The following HINFP variants were observed in gnomAD, a reference collection of about 807,000 sequenced individuals.
HINFP encodes the protein histone H4 transcription factor.
Under a neutral mutation model 50.1 loss-of-function variants are expected in HINFP, and 20 were observed. That is an observed-to-expected ratio of 0.40 (90% CI 0.28 to 0.58). The LOEUF (loss-of-function observed/expected upper bound fraction) is 0.58, where lower values mean the gene tolerates loss of function less well. HINFP is among the 20% of genes least tolerant of loss of function. HINFP has a pLI of 0.45. For synonymous variants in HINFP, 247 were observed against 243.7 expected, an observed-to-expected ratio of 1.01 and a Z score of -0.13; for missense variants, 505 against 664.1, an observed-to-expected ratio of 0.76 and a Z score of 2.63.
rs1349620875 is a variant in HINFP at position 119,134,301 on chromosome 11, C to G, written c.1357C>G (p.Leu453Val). 2 of 1,614,058 alleles carry G rather than the reference C, an allele frequency of 1.2e-6. No individual in the cohort carries two copies. Among genetic ancestry groups the G allele is most frequent in the Non-Finnish European group, 1.7e-6 (2 of 1,180,010 alleles). Residue 453 changes from leucine (L) to valine (V), a missense_variant, in exon 10 of 10, where the codon CTC (leucine) becomes GTC (valine). Physicochemically the swap from Leu to Val is conservative, Grantham distance 32. Transcript: ENST00000350777. The surrounding 1 kb of genome is among the most constrained non-coding windows in gnomAD (Gnocchi z 4.3). ...EEGKGSEGTA[L>V]SASQDNPSSV... ...GGGCAAGGGTAGCGAAGGGACAGCC[C>G]TCTCAGCCTCTCAGGACAACCCCAG...
At chr11:119,122,530 A>C (rs978832652) in intron 1 of HINFP, among the ~76,000 whole-genome samples, 1 of 152,214 alleles carries the variant, frequency 6.6e-6, no homozygotes, top group Non-Finnish European at 1.5e-5. Context: ...ACTAAGGAGC[A>C]AGAGTAGATT....
intron 1 of HINFP, chr11:119,124,952 A>G (rs1327004141): frequency 5.9e-5 from 9 of 152,038 alleles, no homozygotes; most frequent in Middle Eastern, 6.8e-3. Context: ...AGCCTGGGTA[A>G]CAGCGAGACT....
At chr11:119,124,947 G>A (rs1947301538) in intron 1 of HINFP, 3 of 151,780 alleles carry the variant, frequency 2.0e-5, no homozygotes, top group Admixed American at 2.0e-4. Flanking sequence ...ATTCCAGCCT[G>A]GGTAACAGCG....
chr11:119,133,682 C>T (rs1947906381), intron 9 of HINFP: 1 of 251,406 alleles, frequency 4.0e-6, no homozygotes, highest in Admixed American at 4.8e-5. Context: ...TGGAGCAAAG[C>T]TTATTTTTCT....
intron 3 of HINFP, 44 bp downstream of exon 3, chr11:119,130,998 G>C: frequency 6.7e-7 from 1 of 1,493,744 alleles, no homozygotes. Flanking sequence ...GAAGCTGGGG[G>C]TCTTAACTCT....
chr11:119,134,241 C>G lies in HINFP; in HGVS notation c.1297C>G (p.Pro433Ala), dbSNP rs1394982836. 1 of 1,614,074 alleles carries G rather than the reference C, an allele frequency of 6.2e-7. No individual in the cohort carries two copies. Among genetic ancestry groups the G allele is most frequent in the African/African-American group, 1.3e-5 (1 of 75,022 alleles). The change falls in exon 10 of 10, where the codon CCA becomes GCA. Residue 433 changes from proline to alanine, a missense_variant. Coordinates refer to ENST00000350777, the MANE Select transcript of HINFP (RefSeq NM_198971.3). This position sits in a 1 kb window ranked among gnomAD's most constrained non-coding sequence, Gnocchi z 4.3. ...GCAGGGCATTATTCTAGAAACAGTG[C>G]CAGGGGAGCCAGGACGTAAGGAAGA... ...SLQGIILETV[P>A]GEPGRKEEEE...
At chr11:119,130,565 T>A (rs1407016018) in intron 2 of HINFP, 160 bp from the exon 3 acceptor site, 10 of 619,960 alleles carry the variant, frequency 1.6e-5, no homozygotes, top group Non-Finnish European at 2.6e-5. Flanking sequence ...CAATTTATGG[T>A]CATTAAATAC....
Position 119,127,420 on chromosome 11 carries a change from C to CTT in HINFP, c.181+302_181+303dup, listed in dbSNP as rs11414972. 65 of 170,290 alleles carry CTT rather than the reference C, an allele frequency of 3.8e-4. No homozygotes were observed. In the East Asian group the frequency reaches 4.0e-3, roughly 11 times the overall value. 10.5% of individuals were successfully genotyped at this position (170,290 alleles called of 1,614,324 possible). ...ATATATTTAAATACAGATGAATGTG[C>CTT]TTTTTTTTAATCATTCTGTACAAGT... On this transcript the variant is annotated intron_variant, in intron 2 of 9. Coordinates refer to ENST00000350777, the MANE Select transcript of HINFP (RefSeq NM_198971.3).
intron 1 of HINFP, chr11:119,125,786 C>T (rs1019589374): frequency 6.6e-6 from 1 of 152,146 alleles, no homozygotes; most frequent in African/African-American, 2.4e-5. Context: ...ATGGAATCTA[C>T]ATTTTAACAG....
chr11:119,131,498 C>G lies in HINFP; in HGVS notation c.412-37C>G, dbSNP rs1295608231. ...GCACATAGGGGTGAGTCCCTCTACCCACCCTCAGTCCTCACCCCAAGTTGC... is the reference window on the plus strand; with the variant it reads ...GCACATAGGGGTGAGTCCCTCTACCGACCCTCAGTCCTCACCCCAAGTTGC... On this transcript the variant is annotated intron_variant, in intron 3 of 9. Coordinates refer to ENST00000350777, the MANE Select transcript of HINFP (RefSeq NM_198971.3). The surrounding 1 kb of genome is among the most constrained non-coding windows in gnomAD (Gnocchi z 4.2). 7 of 1,416,228 alleles carry G rather than the reference C, an allele frequency of 4.9e-6. No homozygotes were observed. The highest frequency in any genetic ancestry group is 7.0e-6 in the Non-Finnish European group (7 of 999,216). The allele number at this position is 1,416,228 out of a possible 1,614,324, so 87.7% of individuals were successfully genotyped here.
At chr11:119,132,463 C>T (rs757455572) in intron 5 of HINFP, 33 bp from the exon 6 acceptor site, 12 of 1,609,788 alleles carry the variant, frequency 7.5e-6, no homozygotes, top group Non-Finnish European at 1.0e-5. Context: ...CTATCACCTA[C>T]AGCCCTCCTT....
chr11:119,126,579 C>G (rs1043632226), intron 1 of HINFP: 3 of 172,710 alleles, frequency 1.7e-5, no homozygotes, highest in Non-Finnish European at 3.7e-5. Context: ...GGATTTGAAC[C>G]CTGATCCTTC....
intron 2 of HINFP, among the ~76,000 whole-genome samples, chr11:119,129,553 C>T (rs933609153): frequency 2.7e-5 from 4 of 150,174 alleles, no homozygotes; most frequent in South Asian, 2.2e-4. Flanking sequence ...GTCCGCCTCC[C>T]GGGTTCATGC....
intron 2 of HINFP, chr11:119,130,323 C>T (rs897380698): frequency 1.3e-5 from 3 of 230,730 alleles, no homozygotes; most frequent in Admixed American, 5.4e-5. Flanking sequence ...ACTCATCCAT[C>T]GTACTTCAGA....
rs375278300 is a variant in HINFP, at chr11:119,128,496, G to A, written c.181+1371G>A. Among the ~76,000 whole-genome samples, 3 of 150,836 alleles carry A rather than the reference G, an allele frequency of 2.0e-5. No homozygotes were observed. The East Asian group carries it at 5.9e-4, about 30-fold the overall frequency. On this transcript the variant is annotated intron_variant, in intron 2 of 9. Coordinates refer to ENST00000350777, the MANE Select transcript of HINFP (RefSeq NM_198971.3). ...AATTTTTTTTTGTATTTTTAGTAGAGACAGGCTTTCACCATGTTAGCCAGG... is the reference window on the plus strand; with the variant it reads ...AATTTTTTTTTGTATTTTTAGTAGAAACAGGCTTTCACCATGTTAGCCAGG...
intron 2 of HINFP, among the ~76,000 whole-genome samples, chr11:119,127,880 G>A (rs1392365100): frequency 6.8e-6 from 1 of 146,916 alleles, no homozygotes; most frequent in Admixed American, 6.8e-5. Context: ...TTTTTGAGAC[G>A]GAGTCTTGCT....
rs1004664802 is a variant in HINFP, at chr11:119,134,456, G to A, written c.1512G>A (p.Lys504=). The A allele has an allele frequency of 1.9e-6, 3 of 1,612,014 alleles. No homozygotes were observed. The highest frequency in any genetic ancestry group is 3.3e-5 in the Admixed American group (2 of 59,798). ...PEPPSGGIME[K]LQGIAEEPEI... Reference sequence around the variant, plus strand: ...CACCTTCAGGGGGCATCATGGAAAAGCTTCAAGGAATAGCTGAGGAGCCAG... The same window carrying A: ...CACCTTCAGGGGGCATCATGGAAAAACTTCAAGGAATAGCTGAGGAGCCAG... Residue 504 remains lysine (K), a synonymous_variant, in exon 10 of 10, where the codon AAG becomes AAA. Transcript: ENST00000350777. The surrounding 1 kb of genome is among the most constrained non-coding windows in gnomAD (Gnocchi z 4.3).
intron 2 of HINFP, among the ~76,000 whole-genome samples, chr11:119,129,700 G>A (rs1004112835): frequency 2.0e-5 from 3 of 151,582 alleles, no homozygotes; most frequent in African/African-American, 7.3e-5. Context: ...TCCTGACCTC[G>A]TGATCTGTCT....
At chr11:119,130,430 A>G (rs1947688169) in intron 2 of HINFP, 1 of 379,358 alleles carries the variant, frequency 2.6e-6, no homozygotes, top group Non-Finnish European at 4.9e-6. Context: ...AACACTCATC[A>G]CTGGTTGCAG....
Sources: gnomAD v4.1 joint callset for allele counts (sites outside exome capture counted in the v4.1 genomes callset) on GRCh38, gnomAD v4.1.1 for gene constraint, Gnocchi (gnomAD v3.1) non-coding constraint, MANE v1.5 for transcripts, NCBI Gene and HGNC (gene_info 2026-07-23, HGNC 2026-07-21) for gene names.